Variants in ASIC2 observed in about 807,000 individuals in gnomAD.
ASIC2 encodes acid-sensing ion channel 2.
In ASIC2, 25 loss-of-function variants were observed where a neutral mutation model predicts 57.3. That is an observed-to-expected ratio of 0.44 (90% CI 0.32 to 0.61). The LOEUF is 0.61. ASIC2 is among the 20% of genes least tolerant of loss of function. The probability of loss-of-function intolerance (pLI) is 0.06; values close to 1 mark genes in which losing one functional copy is unlikely to be tolerated. For synonymous variants in ASIC2, 319 were observed against 307.5 expected (o/e 1.04, Z -0.39); for missense variants, 641 against 738.1 (o/e 0.87, Z 1.52).
chr17:34,130,656 T>C (rs76943107), intron 1 of ASIC2, among the ~76,000 whole-genome samples: 4,329 of 152,352 alleles, frequency 0.028, 94 homozygotes, highest in Middle Eastern at 0.061. Flanking sequence ...CCTTCCATGA[T>C]GCTTCTCACA....
At chr17:33,915,524 G>T (rs907351405) in intron 1 of ASIC2, among the ~76,000 whole-genome samples, 2 of 152,068 alleles carry the variant, frequency 1.3e-5, no homozygotes, top group Admixed American at 1.3e-4. Flanking sequence ...GATGACTTTT[G>T]CCCATTTCTC....
rs1207921632 is a variant in ASIC2, at chr17:33,990,707, A to G, written c.555+165271T>C. ...GTTTCTTGGAGGGATGGACATATAG[A>G]AAAACCAAGCAAAGCGCAATGTGAG... is the stretch of plus-strand genomic sequence containing the variant. On this transcript the variant is annotated intron_variant, in intron 1 of 9. Coordinates refer to the ASIC2 transcript ENST00000359872. Among the ~76,000 whole-genome samples the G allele has an allele frequency of 9.8e-5, 15 of 152,308 alleles. No homozygotes were observed. In the East Asian group the frequency reaches 2.1e-3, roughly 22 times the overall value.
At chr17:33,211,870 G>A (rs1420410741) in intron 1 of ASIC2, among the ~76,000 whole-genome samples, 1 of 152,168 alleles carries the variant, frequency 6.6e-6, no homozygotes, top group African/African-American at 2.4e-5. Context: ...CGGGTTCCAG[G>A]ATCCCCCTAG....
At chr17:33,551,179 C>T (rs1024987182) in intron 1 of ASIC2, among the ~76,000 whole-genome samples, 3 of 152,112 alleles carry the variant, frequency 2.0e-5, no homozygotes, top group African/African-American at 4.8e-5. Context: ...GATGTCTTTT[C>T]GGTGCTTTTT....
At chr17:33,509,808 G>A (rs73983933) in intron 1 of ASIC2, among the ~76,000 whole-genome samples, 6,055 of 152,300 alleles carry the variant, frequency 0.04, 408 homozygotes, top group African/African-American at 0.14. Context: ...AGTACTTAAG[G>A]AACTGGTGAA....
intron 1 of ASIC2, among the ~76,000 whole-genome samples, chr17:33,531,616 A>G (rs1193647146): frequency 6.6e-6 from 1 of 152,028 alleles, no homozygotes; most frequent in Non-Finnish European, 1.5e-5. Flanking sequence ...CCAATGTTTA[A>G]AGACTTCTCC....
rs559665392 is a variant in ASIC2 at position 33,787,836 on chromosome 17, T to C, written c.555+368142A>G. On this transcript the variant is annotated intron_variant, in intron 1 of 9. Coordinates refer to the ASIC2 transcript ENST00000359872. Reference sequence around the variant, plus strand: ...GGAGGTGGGGCCTGGTAGGAGGTGATTGGATTATGGGGGTGGATTTTTCAT... The same window carrying C: ...GGAGGTGGGGCCTGGTAGGAGGTGACTGGATTATGGGGGTGGATTTTTCAT... 2.5e-3 allele frequency among the ~76,000 whole-genome samples: 375 copies of C among 152,208 alleles called. 2 individuals are homozygous for C. Among genetic ancestry groups the C allele is most frequent in the African/African-American group, 8.7e-3 (360 of 41,534 alleles).
At chr17:34,044,738 G>A (rs1208379216) in intron 1 of ASIC2, among the ~76,000 whole-genome samples, 3 of 152,194 alleles carry the variant, frequency 2.0e-5, no homozygotes, top group Non-Finnish European at 2.9e-5. Context: ...GCCTGGGGAT[G>A]AGTCCAGGAG....
chr17:33,836,069 TAC>T (rs149810649), intron 1 of ASIC2, among the ~76,000 whole-genome samples: 8 of 146,502 alleles, frequency 5.5e-5, no homozygotes, highest in Non-Finnish European at 7.5e-5. Flanking sequence ...ATTATATATA[TAC>T]ACACACACAC....
At chr17:33,874,897 C>T (rs1914512986) in intron 1 of ASIC2, among the ~76,000 whole-genome samples, 3 of 152,226 alleles carry the variant, frequency 2.0e-5, no homozygotes, top group African/African-American at 7.2e-5. Flanking sequence ...ACACCTATGA[C>T]CAGTCTTGCC....
intron 1 of ASIC2, among the ~76,000 whole-genome samples, chr17:34,051,478 G>A (rs918282268): frequency 6.6e-6 from 1 of 152,214 alleles, no homozygotes; most frequent in African/African-American, 2.4e-5. Flanking sequence ...TAGAAAATGT[G>A]TATGAAATTG....
intron 1 of ASIC2, among the ~76,000 whole-genome samples, chr17:34,007,220 T>G (rs987375559): frequency 6.6e-6 from 1 of 152,114 alleles, no homozygotes; most frequent in Non-Finnish European, 1.5e-5. Flanking sequence ...AAGTCTGGAG[T>G]TCATTCCCCT....
intron 1 of ASIC2, among the ~76,000 whole-genome samples, chr17:33,213,845 C>G (rs1907372546): frequency 6.6e-6 from 1 of 152,172 alleles, no homozygotes; most frequent in Admixed American, 6.5e-5. Context: ...GTGGTCCAAG[C>G]CCTGGAATAC....
chr17:33,818,426 A>G (rs994943808), intron 1 of ASIC2, among the ~76,000 whole-genome samples: 2 of 152,182 alleles, frequency 1.3e-5, no homozygotes, highest in Non-Finnish European at 2.9e-5. Context: ...AGCAAGATCC[A>G]TGGTTCAGAA....
chr17:33,362,015 G>A (rs996551854), intron 1 of ASIC2, among the ~76,000 whole-genome samples: 1 of 152,078 alleles, frequency 6.6e-6, no homozygotes, highest in Non-Finnish European at 1.5e-5. Context: ...AAATTTAGAG[G>A]TTGGCACTAG....
chr17:33,319,541 T>G (rs9911125), intron 1 of ASIC2, among the ~76,000 whole-genome samples: 27,974 of 152,160 alleles, frequency 0.18, 2,669 homozygotes, highest in East Asian at 0.37. Context: ...ATGCATATAT[T>G]TATGGGTTAC....
chr17:34,058,394 A>ACT (rs1459663383), intron 1 of ASIC2, among the ~76,000 whole-genome samples: 2 of 152,228 alleles, frequency 1.3e-5, no homozygotes, highest in Non-Finnish European at 2.9e-5. Context: ...GCCTGGAGGA[A>ACT]CAGCCCTTGA....
chr17:33,100,274 C>T (rs1190211711), intron 2 of ASIC2: 2 of 152,306 alleles, frequency 1.3e-5, no homozygotes, highest in African/African-American at 2.4e-5. Context: ...ATCTTTCCAA[C>T]CCCAGGTCTC....
intron 1 of ASIC2, among the ~76,000 whole-genome samples, chr17:33,189,218 A>AC (rs34035081): frequency 4.0e-5 from 6 of 151,886 alleles, no homozygotes; most frequent in Admixed American, 2.6e-4. Context: ...ACACAAGAGA[A>AC]CCCCCCACCC....
Sources: gnomAD v4.1 joint callset for allele counts (sites outside exome capture counted in the v4.1 genomes callset) on GRCh38, gnomAD v4.1.1 for gene constraint, MANE v1.5 for transcripts, NCBI Gene and HGNC (gene_info 2026-07-23, HGNC 2026-07-21) for gene names.